Variants in BANK1 observed in about 807,000 individuals in gnomAD.
The protein encoded by BANK1 is B-cell scaffold protein with ankyrin repeats.
In BANK1, 95 loss-of-function variants were observed where a neutral mutation model predicts 94.5. The observed-to-expected ratio is 1.00, with a 90% CI of 0.85 to 1.19. The LOEUF is 1.19. Among genes scored for constraint, BANK1 ranks in the 50% most tolerant of loss-of-function variants. The pLI is 0.00. For synonymous variants in BANK1, 334 were observed against 308.4 expected, an observed-to-expected ratio of 1.08 and a Z score of -0.87; for missense variants, 987 against 932.2, an observed-to-expected ratio of 1.06 and a Z score of -0.77.
intron 2 of BANK1, among the ~76,000 whole-genome samples, chr4:101,844,314 A>G (rs1478880074): frequency 6.6e-6 from 1 of 152,194 alleles, no homozygotes; most frequent in East Asian, 1.9e-4. Flanking sequence ...AATTAGAGGG[A>G]AAAATGGGGT....
intron 7 of BANK1, among the ~76,000 whole-genome samples, chr4:101,928,781 A>C (rs952869377): frequency 1.3e-5 from 2 of 151,710 alleles, no homozygotes; most frequent in African/African-American, 4.8e-5. Context: ...ATAAGCCCAC[A>C]GTGCAACTAC....
chr4:101,800,968 G>T (rs1247213050), intron 1 of BANK1, among the ~76,000 whole-genome samples: 1 of 152,146 alleles, frequency 6.6e-6, no homozygotes, highest in Non-Finnish European at 1.5e-5. Flanking sequence ...ATTTTGGCCA[G>T]GCTGGTCTTG....
At chr4:101,894,535 TC>T (rs1371635953) in intron 5 of BANK1, among the ~76,000 whole-genome samples, 2 of 152,042 alleles carry the variant, frequency 1.3e-5, no homozygotes, top group Non-Finnish European at 2.9e-5. Context: ...TTTTTGGAAA[TC>T]CTTTCAAAAC....
At chr4:101,966,708 A>G (rs1724774755) in intron 7 of BANK1, among the ~76,000 whole-genome samples, 1 of 152,088 alleles carries the variant, frequency 6.6e-6, no homozygotes. Context: ...AAGTGAGAAT[A>G]AATCACATAA....
chr4:102,039,020 A>G (rs1727614351), intron 10 of BANK1, among the ~76,000 whole-genome samples: 1 of 152,112 alleles, frequency 6.6e-6, no homozygotes, highest in Non-Finnish European at 1.5e-5. Context: ...CCACCTTTCC[A>G]TCTCTGCTTA....
At position 101,853,652 on chromosome 4, in the gene BANK1, GTAAT is replaced by G. The variant is rs1560602289; in HGVS notation, c.470-1381_470-1378del. ...GTTTGCCTGCTATCAAGAAGCAGGC[GTAAT>G]TTTATGATTTGACATATTAATGGAA... On this transcript the variant is annotated intron_variant, in intron 2 of 16. Coordinates refer to ENST00000322953, the MANE Select transcript of BANK1 (RefSeq NM_017935.5). Among the ~76,000 whole-genome samples the G allele has an allele frequency of 8.5e-5, 13 of 152,110 alleles. 1 individual carries two copies.
rs867393115 is a variant in BANK1 at position 102,021,571 on chromosome 4, T to C, written c.1264T>C (p.Ser422Pro). 6.9e-7 allele frequency: 1 copy of C among 1,442,138 alleles called. No homozygotes were observed. The highest frequency in any genetic ancestry group is 1.4e-5 in the South Asian group (1 of 69,734). The allele number at this position is 1,442,138 out of a possible 1,614,324, so 89.3% of individuals were successfully genotyped here. A position where few individuals can be genotyped will look rare whatever the true frequency, so the allele number is the denominator to read the frequency against. The change falls in exon 8 of 17, where the codon TCA becomes CCA. Residue 422 changes from serine (S) to proline (P), a missense_variant. By Grantham distance (74) the Ser-to-Pro change is moderately conservative. Transcript: ENST00000322953. ...AAATGATTATGAAGAGGATATTGCC[T>C]CATTTTCCACATATATTCCTTGTAA... Reference protein sequence around the residue: ...QENDYEEDIASFSTYIPSTQN... With the variant: ...QENDYEEDIAPFSTYIPSTQN...
At chr4:101,936,213 A>G (rs1017742891) in intron 7 of BANK1, among the ~76,000 whole-genome samples, 12 of 144,972 alleles carry the variant, frequency 8.3e-5, no homozygotes, top group African/African-American at 4.9e-5. Flanking sequence ...TATATCATAT[A>G]TGTACATGTA....
intron 7 of BANK1, among the ~76,000 whole-genome samples, chr4:102,002,653 C>T (rs1726120185): frequency 6.6e-6 from 1 of 151,916 alleles, no homozygotes; most frequent in South Asian, 2.1e-4. Flanking sequence ...TCAAGATATA[C>T]ACCTATAACT....
intron 4 of BANK1, among the ~76,000 whole-genome samples, chr4:101,868,958 C>T (rs2148880311): frequency 1.3e-5 from 2 of 151,820 alleles, no homozygotes; most frequent in East Asian, 1.9e-4. Flanking sequence ...ACTCTAAAAT[C>T]GACATCATTA....
At chr4:101,880,905 G>A (rs574108762) in intron 5 of BANK1, among the ~76,000 whole-genome samples, 29 of 151,942 alleles carry the variant, frequency 1.9e-4, no homozygotes, top group Admixed American at 3.3e-4. Flanking sequence ...ATTTCTCACC[G>A]CATACAAAAA....
intron 6 of BANK1, among the ~76,000 whole-genome samples, 180 bp downstream of exon 6, chr4:101,895,590 T>A (rs1411444458): frequency 6.6e-6 from 1 of 151,700 alleles, no homozygotes; most frequent in African/African-American, 2.4e-5. Flanking sequence ...CGTTTGGTAA[T>A]TTTTTTTATC....
chr4:101,967,004 C>A (rs985918877), intron 7 of BANK1, among the ~76,000 whole-genome samples: 2 of 152,070 alleles, frequency 1.3e-5, no homozygotes, highest in African/African-American at 4.8e-5. Flanking sequence ...CCTAAATGAA[C>A]CAGAAAGCAT....
intron 2 of BANK1, among the ~76,000 whole-genome samples, chr4:101,836,043 T>C (rs1406468241): frequency 6.6e-6 from 1 of 152,198 alleles, no homozygotes; most frequent in Non-Finnish European, 1.5e-5. Context: ...TCGTTTCTGC[T>C]TGAAAAATAT....
chr4:101,863,705 G>A (rs2148878112), intron 4 of BANK1, among the ~76,000 whole-genome samples: 1 of 152,210 alleles, frequency 6.6e-6, no homozygotes, highest in East Asian at 1.9e-4. Context: ...ATAAGCATGT[G>A]TAGAAGTGAA....
intron 4 of BANK1, among the ~76,000 whole-genome samples, chr4:101,864,440 G>C (rs1727993907): frequency 6.6e-6 from 1 of 152,176 alleles, no homozygotes; most frequent in African/African-American, 2.4e-5. Flanking sequence ...GGTTTTACAA[G>C]TAATATTTAG....
intron 1 of BANK1, among the ~76,000 whole-genome samples, chr4:101,806,444 T>TGA (rs1725557869): frequency 2.0e-5 from 3 of 152,182 alleles, no homozygotes; most frequent in Admixed American, 2.0e-4. Flanking sequence ...ACAGAAAGAC[T>TGA]GAGTAGTTCT....
chr4:101,985,725 T>A (rs540221340), intron 7 of BANK1, among the ~76,000 whole-genome samples: 4 of 152,094 alleles, frequency 2.6e-5, no homozygotes, highest in African/African-American at 9.6e-5. Flanking sequence ...TAAACTTTCT[T>A]CCAAAATGAA....
chr4:102,072,865 T>A (rs540829924), intron 15 of BANK1, among the ~76,000 whole-genome samples: 5 of 152,238 alleles, frequency 3.3e-5, no homozygotes, highest in Non-Finnish European at 7.4e-5. Flanking sequence ...ATGATAACAC[T>A]AAGCAAAGAC....
Sources: allele counts gnomAD v4.1 joint callset (sites outside exome capture counted in the v4.1 genomes callset), GRCh38; gene constraint gnomAD v4.1.1; transcripts MANE v1.5; gene names NCBI Gene and HGNC (gene_info 2026-07-23, HGNC 2026-07-21).